FAM184B: variants seen among roughly 807,000 people sequenced by gnomAD.
FAM184B encodes family with sequence similarity 184 member B.
Under a neutral mutation model 135.9 loss-of-function variants are expected in FAM184B, and 111 were observed. The observed-to-expected ratio is 0.82, with a 90% CI of 0.70 to 0.96. The LOEUF (loss-of-function observed/expected upper bound fraction) is 0.96, where lower values mean the gene tolerates loss of function less well. Ranked by LOEUF, FAM184B falls within the 40% of genes least tolerant of loss-of-function variation. FAM184B has a pLI of 0.00. For missense variants in FAM184B, 1,375 were observed against 1,323.9 expected (o/e 1.04, Z -0.60); for synonymous variants, 552 against 524.8 (o/e 1.05, Z -0.71).
intron 10 of FAM184B, among the ~76,000 whole-genome samples, chr4:17,654,127 T>C (rs1715724000): frequency 6.6e-6 from 1 of 152,066 alleles, no homozygotes; most frequent in Non-Finnish European, 1.5e-5. Context: ...TAAATCTGTG[T>C]TGTTTTAAGC....
At chr4:17,635,295 T>C (rs778408666) in intron 15 of FAM184B, among the ~76,000 whole-genome samples, 182 bp from the exon 16 acceptor site, 15 of 152,076 alleles carry the variant, frequency 9.9e-5, no homozygotes, top group Non-Finnish European at 1.8e-4. Flanking sequence ...TTTTTTTATG[T>C]CCCCAGCCCC....
At chr4:17,698,350 TTC>T in intron 5 of FAM184B, among the ~76,000 whole-genome samples, 1 of 152,318 alleles carries the variant, frequency 6.6e-6, no homozygotes, top group Middle Eastern at 3.4e-3. Context: ...CATTTTCTGT[TTC>T]TTTGTCCAGA....
chr4:17,754,920 C>T (rs1448670913), intron 1 of FAM184B, among the ~76,000 whole-genome samples: 1 of 151,916 alleles, frequency 6.6e-6, no homozygotes, highest in Middle Eastern at 3.2e-3. Context: ...GTCACCCAGG[C>T]CGCAGTGCAG....
chr4:17,767,387 G>A (rs1170465644), intron 1 of FAM184B, among the ~76,000 whole-genome samples: 8 of 152,186 alleles, frequency 5.3e-5, no homozygotes, highest in Non-Finnish European at 2.9e-5. Context: ...ATTATAAATG[G>A]ACATGAAAAG....
chr4:17,668,884 C>T (rs1477007535), intron 7 of FAM184B, among the ~76,000 whole-genome samples: 1 of 152,182 alleles, frequency 6.6e-6, no homozygotes, highest in Non-Finnish European at 1.5e-5. Flanking sequence ...TTACTATGTG[C>T]CAGGCATTGT....
chr4:17,736,845 T>C (rs1174158528), intron 1 of FAM184B, among the ~76,000 whole-genome samples: 1 of 152,082 alleles, frequency 6.6e-6, no homozygotes, highest in Non-Finnish European at 1.5e-5. Flanking sequence ...GGTTCAATTA[T>C]TGAAAGGAAA....
In FAM184B at chr4:17,724,798, G is replaced by A. The variant is rs2108974210; in HGVS notation, c.142-15154C>T. Among the ~76,000 whole-genome samples, 3 of 152,290 alleles carry A rather than the reference G, an allele frequency of 2.0e-5. No homozygotes were observed. The South Asian group carries it at 6.2e-4, about 32-fold the overall frequency. The stretch of plus-strand genomic sequence containing the variant: ...AGAAGATTTGGCTTTGTAAAGTGGA[G>A]GGCAAGCTTGCTCTCTGTCCTGCCT... On this transcript the variant is annotated intron_variant, in intron 1 of 17. Transcript: ENST00000265018.
Position 17,698,040 on chromosome 4 carries a change from G to A in FAM184B, c.1378-4628C>T, listed in dbSNP as rs116902527. Among the ~76,000 whole-genome samples the A allele has an allele frequency of 3.1e-4, 47 of 150,622 alleles. No homozygotes were observed. In the East Asian group the frequency reaches 7.8e-3, roughly 25 times the overall value. On this transcript the variant is annotated intron_variant, in intron 5 of 17. Coordinates refer to ENST00000265018, the MANE Select transcript of FAM184B (RefSeq NM_015688.2). ...CAGCTCAGCCCAAAGTGACCTTGAAGATTTCAACAGGAAAATTCCCTTAAC... is the reference window on the plus strand; with the variant it reads ...CAGCTCAGCCCAAAGTGACCTTGAAAATTTCAACAGGAAAATTCCCTTAAC...
intron 10 of FAM184B, among the ~76,000 whole-genome samples, chr4:17,656,390 CCTTTCTT>C (rs768250968): frequency 2.7e-4 from 41 of 151,048 alleles, no homozygotes; most frequent in Admixed American, 5.3e-4. Context: ...TGCATTATTT[CCTTTCTT>C]CTTTCTTTTT....
At chr4:17,748,829 T>A (rs1005272634) in intron 1 of FAM184B, among the ~76,000 whole-genome samples, 3 of 151,836 alleles carry the variant, frequency 2.0e-5, no homozygotes, top group African/African-American at 7.3e-5. Context: ...CCTGTATAAT[T>A]TTTTGTTTTA....
At chr4:17,649,906 G>GTCCA (rs1175364257) in intron 11 of FAM184B, among the ~76,000 whole-genome samples, 11 of 125,478 alleles carry the variant, frequency 8.8e-5, no homozygotes, top group African/African-American at 4.0e-4. Flanking sequence ...CTACCCATCT[G>GTCCA]TCCATCCATT....
intron 1 of FAM184B, among the ~76,000 whole-genome samples, chr4:17,773,102 A>G (rs1020910942): frequency 6.6e-6 from 1 of 152,220 alleles, no homozygotes; most frequent in Non-Finnish European, 1.5e-5. Flanking sequence ...TGGATTCTGC[A>G]TGTCCTAGCT....
At chr4:17,736,796 C>G (rs1277399173) in intron 1 of FAM184B, among the ~76,000 whole-genome samples, 2 of 152,184 alleles carry the variant, frequency 1.3e-5, no homozygotes, top group Admixed American at 6.5e-5. Context: ...GAAATGAAGT[C>G]TCTAGCTGGG....
intron 1 of FAM184B, among the ~76,000 whole-genome samples, chr4:17,727,903 G>A (rs986909355): frequency 4.6e-5 from 7 of 152,090 alleles, no homozygotes; most frequent in African/African-American, 1.7e-4. Context: ...CTTGGGGAGT[G>A]TTTGGTTAGC....
At chr4:17,727,308 C>T (rs775569413) in intron 1 of FAM184B, among the ~76,000 whole-genome samples, 2 of 152,154 alleles carry the variant, frequency 1.3e-5, no homozygotes, top group Non-Finnish European at 1.5e-5. Context: ...CCAGAGGAGG[C>T]ACCAGGACAG....
chr4:17,719,374 C>G (rs1392322435), intron 1 of FAM184B, among the ~76,000 whole-genome samples: 1 of 151,420 alleles, frequency 6.6e-6, no homozygotes, highest in African/African-American at 2.5e-5. Flanking sequence ...ATGCTACTCA[C>G]AACGACAAAT....
chr4:17,741,739 C>A (rs1434013506), intron 1 of FAM184B, among the ~76,000 whole-genome samples: 2 of 152,096 alleles, frequency 1.3e-5, no homozygotes, highest in East Asian at 3.9e-4. Context: ...GCAATATGGA[C>A]TGACATGGAC....
rs115056318 is a variant in FAM184B, at chr4:17,779,612, T to C, written c.141+1547A>G. On this transcript the variant is annotated intron_variant, in intron 1 of 17. Transcript: ENST00000265018. ...AAGGGCAAGACCATATCTTACTAAT[T>C]GTTATGCCATCAACATTCAGCATAG... Among the ~76,000 whole-genome samples, 428 of 152,310 alleles carry C rather than the reference T, an allele frequency of 2.8e-3. 3 individuals are homozygous for C. Among genetic ancestry groups the C allele is most frequent in the African/African-American group, 9.2e-3 (384 of 41,564 alleles).
Position 17,630,808 on chromosome 4 carries a change from G to A in FAM184B, c.*1724C>T, listed in dbSNP as rs907572936. On this transcript the variant is annotated 3_prime_UTR_variant, in exon 18 of 18. Coordinates refer to ENST00000265018, the MANE Select transcript of FAM184B (RefSeq NM_015688.2). ...TTTTTTTTTAAGATGGTGTGATTGA[G>A]GTTAATGTGAACTGAACTTTCTATT... 2 of 151,898 alleles carry A rather than the reference G, an allele frequency of 1.3e-5. No homozygotes were observed. Among genetic ancestry groups the A allele is most frequent in the East Asian group, 1.9e-4 (1 of 5,180 alleles). The allele number at this position is 151,898 out of a possible 1,614,324, so 9.4% of individuals were successfully genotyped here.
Sources: allele counts gnomAD v4.1 joint callset (sites outside exome capture counted in the v4.1 genomes callset), GRCh38; gene constraint gnomAD v4.1.1; transcripts MANE v1.5; gene names NCBI Gene and HGNC (gene_info 2026-07-23, HGNC 2026-07-21).